The following PRP4K variants were observed in gnomAD, a reference collection of about 807,000 sequenced individuals.
PRP4K encodes the protein pre-mRNA processing factor kinase PRP4K.
the PRP4K span, among the ~76,000 whole-genome samples, chr6:4,036,749 G>GT: frequency 1.3e-5 from 2 of 152,070 alleles, no homozygotes; most frequent in African/African-American, 2.4e-5. Flanking sequence ...CAGCACTTTT[G>GT]GAGGCCAAGG....
At chr6:4,023,559 T>C in the PRP4K span, among the ~76,000 whole-genome samples, 1 of 152,240 alleles carries the variant, frequency 6.6e-6, no homozygotes, top group Non-Finnish European at 1.5e-5. Flanking sequence ...TTTTTTCCAC[T>C]GTCCCAGAAA....
the PRP4K span, chr6:4,042,637 C>T: frequency 8.3e-7 from 1 of 1,207,260 alleles, no homozygotes; most frequent in East Asian, 2.4e-5. Context: ...AAAAATGTAG[C>T]ATTAATAACA....
At chr6:4,042,559 A>C in the PRP4K span, 3 of 1,605,402 alleles carry the variant, frequency 1.9e-6, no homozygotes, top group East Asian at 6.7e-5. Flanking sequence ...AAAGGCAGGC[A>C]ATTGTTCAGG....
chr6:4,036,495 T>C, the PRP4K span, among the ~76,000 whole-genome samples: 1 of 152,154 alleles, frequency 6.6e-6, no homozygotes, highest in African/African-American at 2.4e-5. Context: ...GTGCTGGGAT[T>C]ACAAGTGTGA....
chr6:4,055,936 G>A, the PRP4K span, among the ~76,000 whole-genome samples: 1 of 152,166 alleles, frequency 6.6e-6, no homozygotes, highest in African/African-American at 2.4e-5. Flanking sequence ...TCTGGCAACT[G>A]AAAGTTAAGT....
the PRP4K span, chr6:4,051,938 ATT>A: frequency 2.1e-5 from 24 of 1,124,762 alleles, no homozygotes; most frequent in East Asian, 9.1e-5. Flanking sequence ...TTTTACCCCA[ATT>A]TTTTTTTTTA....
the PRP4K span, chr6:4,060,656 G>C: frequency 6.5e-7 from 1 of 1,538,348 alleles, no homozygotes. The surrounding 1 kb of genome is among the most constrained non-coding windows in gnomAD (Gnocchi z 4.7). Flanking sequence ...TAAATACAAA[G>C]ACTGAAGAAA....
the PRP4K span, among the ~76,000 whole-genome samples, chr6:4,029,375 G>C: frequency 8.6e-6 from 1 of 115,882 alleles, no homozygotes; most frequent in Non-Finnish European, 1.7e-5. Context: ...ACAGGGTCTT[G>C]CTCTGTCACC....
the PRP4K span, chr6:4,037,591 T>C: frequency 6.2e-7 from 1 of 1,604,240 alleles, no homozygotes; most frequent in East Asian, 2.2e-5. Flanking sequence ...TTCATCCTTG[T>C]GATTCATTAA....
the PRP4K span, among the ~76,000 whole-genome samples, chr6:4,038,154 A>C: frequency 6.6e-6 from 1 of 152,190 alleles, no homozygotes; most frequent in Non-Finnish European, 1.5e-5. Flanking sequence ...TTGAAGTAAT[A>C]AATGAATATA....
At chr6:4,035,296 T>TTG in the PRP4K span, among the ~76,000 whole-genome samples, 44 of 131,624 alleles carry the variant, frequency 3.3e-4, no homozygotes, top group Non-Finnish European at 3.5e-4. Flanking sequence ...TTTTTTTTTT[T>TTG]TTTTTTTTTT....
At chr6:4,028,098 C>CTA in the PRP4K span, among the ~76,000 whole-genome samples, 1 of 152,108 alleles carries the variant, frequency 6.6e-6, no homozygotes, top group Non-Finnish European at 1.5e-5. Flanking sequence ...AGAATATAGC[C>CTA]TATATAAAGA....
chr6:4,030,353 TAAACTTACTA>T, the PRP4K span, among the ~76,000 whole-genome samples: 1 of 152,192 alleles, frequency 6.6e-6, no homozygotes, highest in Admixed American at 6.5e-5. Context: ...GTTGCAAGGA[TAAACTTACTA>T]AAAGTATAGG....
the PRP4K span, chr6:4,051,853 C>G: frequency 1.4e-6 from 1 of 702,488 alleles, no homozygotes. Flanking sequence ...CAGACTTCTC[C>G]CACACATCAC....
chr6:4,056,485 C>T, the PRP4K span: 22 of 1,612,390 alleles, frequency 1.4e-5, no homozygotes, highest in East Asian at 6.7e-5. Flanking sequence ...TGGTGGAAAC[C>T]GCATACTTAA....
the PRP4K span, among the ~76,000 whole-genome samples, chr6:4,048,378 C>CAAA: frequency 7.1e-5 from 7 of 98,884 alleles, no homozygotes; most frequent in African/African-American, 2.1e-4. Context: ...GACTCCGTCT[C>CAAA]AAAAAAAAAA....
chr6:4,022,354 C>A, the PRP4K span, among the ~76,000 whole-genome samples: 209 of 150,458 alleles, frequency 1.4e-3, no homozygotes, highest in African/African-American at 5.1e-3. Context: ...CATTGGTTAA[C>A]TTAAAGCAGT....
At chr6:4,042,704 A>G in the PRP4K span, 2 of 603,830 alleles carry the variant, frequency 3.3e-6, no homozygotes, top group Non-Finnish European at 5.4e-6. Flanking sequence ...GTGAAGTTTG[A>G]AAAAATGATC....
the PRP4K span, among the ~76,000 whole-genome samples, chr6:4,040,492 C>T: frequency 6.6e-6 from 1 of 152,138 alleles, no homozygotes; most frequent in Admixed American, 6.5e-5. Context: ...AGTTCATATC[C>T]ATGGGAAGAA....
Sources: allele counts gnomAD v4.1 joint callset (sites outside exome capture counted in the v4.1 genomes callset), GRCh38; gene constraint gnomAD v4.1.1; non-coding constraint Gnocchi (gnomAD v3.1); transcripts MANE v1.5; gene names NCBI Gene and HGNC (gene_info 2026-07-23, HGNC 2026-07-21).